LRRC4C: variants seen among roughly 807,000 people sequenced by gnomAD.
LRRC4C encodes the protein leucine-rich repeat-containing protein 4C.
LRRC4C carries 5 observed loss-of-function variants against 33.6 expected under a neutral mutation model. The observed-to-expected ratio is 0.15, with a 90% CI of 0.08 to 0.31. LRRC4C has a LOEUF of 0.31. LRRC4C is among the 10% of genes least tolerant of loss of function. The probability of loss-of-function intolerance (pLI) is 1.00; values close to 1 mark genes in which losing one functional copy is unlikely to be tolerated. For synonymous variants in LRRC4C, 329 were observed against 302.0 expected (o/e 1.09, Z -0.93); for missense variants, 560 against 796.7 (o/e 0.70, Z 3.58).
intron 1 of LRRC4C, among the ~76,000 whole-genome samples, chr11:40,958,959 G>T (rs1959076557): frequency 6.6e-6 from 1 of 151,670 alleles, no homozygotes; most frequent in African/African-American, 2.4e-5. Context: ...CTTTATTCTG[G>T]TGGTGTTCTG....
At chr11:40,808,535 C>T (rs1263778495) in intron 2 of LRRC4C, among the ~76,000 whole-genome samples, 4 of 152,082 alleles carry the variant, frequency 2.6e-5, no homozygotes, top group East Asian at 1.9e-4. Flanking sequence ...CTCTTTCTCT[C>T]TCCTGTTATA....
rs529167473 is a variant in LRRC4C, at chr11:40,176,539, C to CTT, written c.-95-35688_-95-35687dup. On this transcript the variant is annotated intron_variant, in intron 5 of 6. Coordinates refer to ENST00000528697, the MANE Select transcript of LRRC4C (RefSeq NM_001258419.2). ...CTTTATGGATTCTTTTTTTTCCACT[C>CTT]TTTTTTTTTTTTTTTTAAGAGACAG... is the stretch of plus-strand genomic sequence containing the variant. Among the ~76,000 whole-genome samples the CTT allele has an allele frequency of 1.4e-4, 20 of 138,908 alleles. 1 individual carries two copies. The highest frequency in any genetic ancestry group is 2.1e-4 in the East Asian group (1 of 4,812). The allele number at this position is 138,908 out of a possible 152,430, so 91.1% of individuals were successfully genotyped here. A position where few individuals can be genotyped will look rare whatever the true frequency, so the allele number is the denominator to read the frequency against.
chr11:40,342,049 T>C (rs1254802303), intron 3 of LRRC4C, among the ~76,000 whole-genome samples: 5 of 151,900 alleles, frequency 3.3e-5, no homozygotes, highest in African/African-American at 4.8e-5. Flanking sequence ...GCAAAGCTTA[T>C]CTGTAGCCAA....
chr11:40,500,352 TTA>T (rs1483784217), intron 3 of LRRC4C, among the ~76,000 whole-genome samples: 2 of 137,660 alleles, frequency 1.5e-5, no homozygotes, highest in African/African-American at 2.6e-5. Flanking sequence ...TATATACACA[TTA>T]TATATATATA....
At chr11:40,828,207 T>C (rs1330508465) in intron 2 of LRRC4C, among the ~76,000 whole-genome samples, 1 of 151,074 alleles carries the variant, frequency 6.6e-6, no homozygotes, top group Non-Finnish European at 1.5e-5. Flanking sequence ...ATATATAGCA[T>C]ATAAGTATAT....
chr11:41,021,156 T>TGAGA (rs71060991), intron 1 of LRRC4C, among the ~76,000 whole-genome samples: 22 of 127,142 alleles, frequency 1.7e-4, no homozygotes, highest in Middle Eastern at 4.0e-3. Flanking sequence ...ATCGTGCATC[T>TGAGA]GAGAGAGAGA....
chr11:40,696,300 G>GAGTATATATATATA, intron 2 of LRRC4C, among the ~76,000 whole-genome samples: 1 of 92,014 alleles, frequency 1.1e-5, no homozygotes, highest in Middle Eastern at 5.2e-3. Context: ...ATATATATAT[G>GAGTATATATATATA]GTATATATAT....
At chr11:40,855,836 G>A (rs188281330) in intron 2 of LRRC4C, among the ~76,000 whole-genome samples, 6 of 151,958 alleles carry the variant, frequency 3.9e-5, no homozygotes, top group Admixed American at 3.3e-4. Context: ...ATGAATGAGA[G>A]AACCCCAAAC....
At chr11:41,242,035 A>G (rs559096732) in intron 1 of LRRC4C, among the ~76,000 whole-genome samples, 2 of 152,302 alleles carry the variant, frequency 1.3e-5, no homozygotes, top group Admixed American at 1.3e-4. Context: ...AGTCCTAAAC[A>G]AAATCTTTTC....
intron 2 of LRRC4C, among the ~76,000 whole-genome samples, chr11:40,797,015 A>G (rs750693396): frequency 1.1e-4 from 16 of 152,226 alleles, no homozygotes; most frequent in Non-Finnish European, 1.5e-4. Context: ...ATCTCTGGAT[A>G]AGATGAATCA....
intron 1 of LRRC4C, among the ~76,000 whole-genome samples, chr11:40,968,427 T>A (rs1851501132): frequency 6.6e-6 from 1 of 152,148 alleles, no homozygotes; most frequent in Non-Finnish European, 1.5e-5. Context: ...AAGGTGGATA[T>A]GCTATAAAAC....
At chr11:41,298,587 T>C (rs1950204620) in intron 1 of LRRC4C, among the ~76,000 whole-genome samples, 1 of 152,172 alleles carries the variant, frequency 6.6e-6, no homozygotes, top group East Asian at 1.9e-4. Flanking sequence ...AAGGCCAAAA[T>C]AAAACAACAA....
chr11:40,210,561 C>T (rs1863518864), intron 5 of LRRC4C, among the ~76,000 whole-genome samples: 1 of 152,118 alleles, frequency 6.6e-6, no homozygotes, highest in Non-Finnish European at 1.5e-5. Context: ...GAAAAATTAT[C>T]TCCCTTCTTG....
chr11:41,037,229 T>A (rs1227114472), intron 1 of LRRC4C, among the ~76,000 whole-genome samples: 5 of 151,970 alleles, frequency 3.3e-5, no homozygotes, highest in Admixed American at 3.3e-4. Context: ...AACTCCTGAT[T>A]CATGGTTGTC....
rs144213368 is a variant in LRRC4C at position 40,657,803 on chromosome 11, T to C, written c.-406-9525A>G. 3.9e-5 allele frequency among the ~76,000 whole-genome samples: 6 copies of C among 152,322 alleles called. No individual in the cohort carries two copies. The East Asian group carries it at 1.2e-3, about 29-fold the overall frequency. On this transcript the variant is annotated intron_variant, in intron 2 of 6. Transcript: ENST00000528697. ...GTGTCACAGGTGAGGGTCCTCAACCTTGGCAAAATAAACTTTCTAAATTAA... is the reference window on the plus strand; with the variant it reads ...GTGTCACAGGTGAGGGTCCTCAACCCTGGCAAAATAAACTTTCTAAATTAA...
chr11:40,872,056 G>A (rs1359967178), intron 2 of LRRC4C, among the ~76,000 whole-genome samples: 1 of 152,080 alleles, frequency 6.6e-6, no homozygotes, highest in Non-Finnish European at 1.5e-5. Flanking sequence ...GGTGAGATAA[G>A]AGCCACAAGG....
chr11:40,611,207 G>A (rs1961182487), intron 3 of LRRC4C, among the ~76,000 whole-genome samples: 1 of 151,742 alleles, frequency 6.6e-6, no homozygotes. Context: ...AAAGATTCCT[G>A]AGAAACCCAT....
intron 2 of LRRC4C, among the ~76,000 whole-genome samples, chr11:40,883,293 C>A (rs925014257): frequency 6.6e-6 from 1 of 151,936 alleles, no homozygotes; most frequent in African/African-American, 2.4e-5. Flanking sequence ...AATGCCTGCC[C>A]CCCTATAGTC....
At chr11:41,020,965 T>G (rs1855921520) in intron 1 of LRRC4C, among the ~76,000 whole-genome samples, 1 of 152,182 alleles carries the variant, frequency 6.6e-6, no homozygotes, top group Non-Finnish European at 1.5e-5. Flanking sequence ...TTTTATCAGA[T>G]AAGAATTCCT....
Sources: gnomAD v4.1 joint callset for allele counts (sites outside exome capture counted in the v4.1 genomes callset) on GRCh38, gnomAD v4.1.1 for gene constraint, MANE v1.5 for transcripts, NCBI Gene and HGNC (gene_info 2026-07-23, HGNC 2026-07-21) for gene names.